The following MSRA variants were observed in gnomAD, a reference collection of about 807,000 sequenced individuals.
MSRA encodes the protein mitochondrial peptide methionine sulfoxide reductase.
Under a neutral mutation model 31.3 loss-of-function variants are expected in MSRA, and 54 were observed. That is an observed-to-expected ratio of 1.73 (90% CI 1.39 to 2.17). The LOEUF (loss-of-function observed/expected upper bound fraction) is 2.17. Ranked by LOEUF, MSRA falls within the 30% of genes most tolerant of loss-of-function variation. The probability of loss-of-function intolerance (pLI) is 0.00; values close to 1 mark genes in which losing one functional copy is unlikely to be tolerated. For missense variants in MSRA, 507 were observed against 300.9 expected (o/e 1.69, Z -5.07); for synonymous variants, 169 against 116.5 (o/e 1.45, Z -2.90).
chr8:10,174,536 CTG>C (rs1162914203), intron 1 of MSRA, among the ~76,000 whole-genome samples: 2 of 152,156 alleles, frequency 1.3e-5, no homozygotes, highest in Admixed American at 6.5e-5. Context: ...CACCTCCCCT[CTG>C]TGAGCTCAGG....
intron 1 of MSRA, among the ~76,000 whole-genome samples, chr8:10,163,114 T>A (rs926150401): frequency 1.4e-4 from 21 of 151,882 alleles, no homozygotes; most frequent in African/African-American, 4.8e-4. Flanking sequence ...CAATGGGAGG[T>A]TGACCAACTG....
chr8:10,337,327 C>G (rs1406041556), intron 5 of MSRA, among the ~76,000 whole-genome samples: 3 of 152,012 alleles, frequency 2.0e-5, no homozygotes, highest in African/African-American at 7.2e-5. Context: ...CTACAGGCGC[C>G]CGCCACCACG....
In MSRA at chr8:10,298,949, G is replaced by A. The variant is rs910259090; in HGVS notation, c.332-2585G>A. On this transcript the variant is annotated intron_variant, in intron 3 of 5. Coordinates refer to ENST00000317173, the MANE Select transcript of MSRA (RefSeq NM_012331.5). ...TTAATCAAGGTAAATGAGCGTCTTT[G>A]TGGCTCTTGCTACATACACCCGTGG... is the stretch of plus-strand genomic sequence containing the variant. Among the ~76,000 whole-genome samples, 4 of 152,226 alleles carry A rather than the reference G, an allele frequency of 2.6e-5. No individual in the cohort carries two copies. The East Asian group carries it at 7.7e-4, about 29-fold the overall frequency.
intron 2 of MSRA, among the ~76,000 whole-genome samples, chr8:10,230,763 T>G (rs1385781112): frequency 2.0e-5 from 3 of 152,190 alleles, no homozygotes; most frequent in Non-Finnish European, 4.4e-5. Context: ...TTCTTGCATC[T>G]TACCTATTTG....
In MSRA at chr8:10,386,043, G is replaced by C. The variant is rs965357291; in HGVS notation, c.544-42105G>C. 5.9e-4 allele frequency among the ~76,000 whole-genome samples: 90 copies of C among 152,196 alleles called. 1 individual carries two copies. Among genetic ancestry groups the C allele is most frequent in the Non-Finnish European group, 2.4e-4 (16 of 68,050 alleles). On this transcript the variant is annotated intron_variant, in intron 5 of 5. Transcript: ENST00000317173. ...TGAGTATTTCAGGGCAGGAGGAATG[G>C]ATGGCAGTCTCGTCAATACCCCTTA...
chr8:10,059,983 A>G (rs1205920630), intron 1 of MSRA, among the ~76,000 whole-genome samples: 1 of 152,244 alleles, frequency 6.6e-6, no homozygotes, highest in Non-Finnish European at 1.5e-5. Flanking sequence ...ATTCTTAAGG[A>G]AAAATACACT....
chr8:10,197,977 G>A (rs908230953), intron 1 of MSRA, among the ~76,000 whole-genome samples: 1 of 152,220 alleles, frequency 6.6e-6, no homozygotes, highest in African/African-American at 2.4e-5. Context: ...TGTTGTCATG[G>A]AAGAGAGGGT....
intron 4 of MSRA, among the ~76,000 whole-genome samples, chr8:10,304,882 C>G (rs767963945): frequency 1.7e-4 from 26 of 152,266 alleles, no homozygotes; most frequent in East Asian, 5.8e-4. Flanking sequence ...GTAGTCCACT[C>G]CAGGTTCTTT....
chr8:10,223,734 G>A (rs910197544), intron 2 of MSRA, among the ~76,000 whole-genome samples: 2 of 152,162 alleles, frequency 1.3e-5, no homozygotes, highest in African/African-American at 4.8e-5. Context: ...AATTGTAGGG[G>A]TGTAGTTAAG....
intron 1 of MSRA, among the ~76,000 whole-genome samples, chr8:10,100,536 G>A (rs1006126326): frequency 6.6e-6 from 1 of 152,116 alleles, no homozygotes; most frequent in Non-Finnish European, 1.5e-5. Context: ...GGGGCTAGGG[G>A]ATGTGATCAG....
rs1187189339 is a variant in MSRA, at chr8:10,301,601, G to C, written c.399G>C (p.Leu133=). The change falls in exon 4 of 6, where the codon CTG becomes CTC. Residue 133 remains leucine (L), a synonymous_variant. Coordinates refer to ENST00000317173, the MANE Select transcript of MSRA (RefSeq NM_012331.5). ...CAGAACACATGAGTTTTGAGGAACT[G>C]CTCAAGGTCTTCTGGGAGAATCACG... ...YQPEHMSFEE[L]LKVFWENHDP... is the part of the protein sequence containing the mutation. 6.2e-7 allele frequency: 1 copy of C among 1,614,048 alleles called. No individual in the cohort carries two copies. The highest frequency in any genetic ancestry group is 8.5e-7 in the Non-Finnish European group (1 of 1,180,038).
At chr8:10,365,056 T>G (rs1047151570) in intron 5 of MSRA, among the ~76,000 whole-genome samples, 1 of 151,752 alleles carries the variant, frequency 6.6e-6, no homozygotes, top group Non-Finnish European at 1.5e-5. Context: ...AGGCTGAGCT[T>G]TGCCAAACAG....
At chr8:10,245,578 C>T (rs1797581633) in intron 3 of MSRA, among the ~76,000 whole-genome samples, 1 of 152,202 alleles carries the variant, frequency 6.6e-6, no homozygotes, top group African/African-American at 2.4e-5. Flanking sequence ...CTAAGGTCAA[C>T]CTGTGGGTTG....
intron 5 of MSRA, among the ~76,000 whole-genome samples, chr8:10,388,743 G>T (rs904596454): frequency 6.6e-6 from 1 of 151,902 alleles, no homozygotes; most frequent in Non-Finnish European, 1.5e-5. Flanking sequence ...GGCTTTTGAC[G>T]TTTGGAGCCA....
intron 1 of MSRA, among the ~76,000 whole-genome samples, chr8:10,104,707 C>T (rs1799766251): frequency 6.6e-6 from 1 of 152,116 alleles, no homozygotes; most frequent in Non-Finnish European, 1.5e-5. Flanking sequence ...GATATTAATG[C>T]TGGCCTGCTT....
At chr8:10,263,607 T>C (rs4841305) in intron 3 of MSRA, among the ~76,000 whole-genome samples, 110,164 of 152,030 alleles carry the variant, frequency 0.72, 40,201 homozygotes, top group East Asian at 0.84. Flanking sequence ...TTTTTTATTC[T>C]CACTGCCACC....
intron 1 of MSRA, among the ~76,000 whole-genome samples, chr8:10,142,115 C>T (rs920140705): frequency 1.3e-5 from 2 of 152,130 alleles, no homozygotes; most frequent in African/African-American, 4.8e-5. Context: ...TTTGCCACCA[C>T]GGCCAGCTAA....
At chr8:10,193,493 C>G (rs1247546294) in intron 1 of MSRA, among the ~76,000 whole-genome samples, 4 of 152,176 alleles carry the variant, frequency 2.6e-5, no homozygotes, top group East Asian at 1.9e-4. Flanking sequence ...TTTTATTGAG[C>G]ATGTATTCAG....
chr8:10,385,277 C>G (rs1806316332), intron 5 of MSRA, among the ~76,000 whole-genome samples: 1 of 152,172 alleles, frequency 6.6e-6, no homozygotes, highest in Non-Finnish European at 1.5e-5. Flanking sequence ...CAATTCGATA[C>G]TGAAGTTGGG....
Sources: gnomAD v4.1 joint callset for allele counts (sites outside exome capture counted in the v4.1 genomes callset) on GRCh38, gnomAD v4.1.1 for gene constraint, MANE v1.5 for transcripts, NCBI Gene and HGNC (gene_info 2026-07-23, HGNC 2026-07-21) for gene names.